TSHZ2: variants seen among roughly 807,000 people sequenced by gnomAD.
TSHZ2 encodes the protein teashirt zinc finger homeobox 2.
In TSHZ2, 21 loss-of-function variants were observed where a neutral mutation model predicts 74.4. The observed-to-expected ratio is 0.28, with a 90% CI of 0.20 to 0.41. TSHZ2 has a LOEUF of 0.41. TSHZ2 is among the 10% of genes least tolerant of loss of function. TSHZ2 has a pLI of 1.00. For synonymous variants in TSHZ2, 540 were observed against 515.3 expected (o/e 1.05, Z -0.65); for missense variants, 1,244 against 1,293.5 (o/e 0.96, Z 0.59).
At chr20:53,379,012 C>A (rs976570852) in intron 2 of TSHZ2, among the ~76,000 whole-genome samples, 1 of 152,112 alleles carries the variant, frequency 6.6e-6, no homozygotes, top group Non-Finnish European at 1.5e-5. Flanking sequence ...GCACAGGTAC[C>A]ATGTGGGATT....
intron 1 of TSHZ2, among the ~76,000 whole-genome samples, chr20:53,127,792 AG>A (rs1434962868): frequency 1.3e-5 from 2 of 152,184 alleles, no homozygotes; most frequent in African/African-American, 4.8e-5. Context: ...AGACTCAGAG[AG>A]ACAAGATGAC....
chr20:53,185,534 A>T, intron 1 of TSHZ2: 1 of 1,430,700 alleles, frequency 7.0e-7, no homozygotes, highest in Non-Finnish European at 9.4e-7. Flanking sequence ...GAATTCCTTG[A>T]ACTGGGACCC....
At chr20:53,316,064 C>G (rs1278235676) in intron 2 of TSHZ2, among the ~76,000 whole-genome samples, 1 of 152,126 alleles carries the variant, frequency 6.6e-6, no homozygotes, top group African/African-American at 2.4e-5. Flanking sequence ...TAACAGAAGC[C>G]AGGATGAAGA....
chr20:53,082,224 T>A (rs1443989291), intron 1 of TSHZ2, among the ~76,000 whole-genome samples: 1 of 152,224 alleles, frequency 6.6e-6, no homozygotes, highest in Non-Finnish European at 1.5e-5. Context: ...TATTTTTAAA[T>A]CATGTGGTAA....
intron 1 of TSHZ2, among the ~76,000 whole-genome samples, chr20:53,082,508 G>A (rs550009231): frequency 6.6e-6 from 1 of 152,310 alleles, no homozygotes; most frequent in East Asian, 1.9e-4. Context: ...CTCCATTTTA[G>A]AGCTTCTTAA....
intron 1 of TSHZ2, among the ~76,000 whole-genome samples, chr20:53,072,983 C>T (rs1985227244): frequency 1.4e-5 from 2 of 148,010 alleles, no homozygotes; most frequent in South Asian, 2.2e-4. Context: ...CCATCCATCC[C>T]TCCCTTCATC....
chr20:53,079,641 C>A (rs763896598), intron 1 of TSHZ2, among the ~76,000 whole-genome samples: 1 of 152,096 alleles, frequency 6.6e-6, no homozygotes, highest in Non-Finnish European at 1.5e-5. Flanking sequence ...ATATGCCTAA[C>A]GAAGTGAATA....
intron 1 of TSHZ2, among the ~76,000 whole-genome samples, chr20:53,244,081 G>T (rs1990141080): frequency 2.0e-5 from 3 of 152,096 alleles, no homozygotes; most frequent in Non-Finnish European, 4.4e-5. Flanking sequence ...TAGCTCTGTG[G>T]GATGGCTGTG....
chr20:53,242,555 A>G (rs1990095663), intron 1 of TSHZ2, among the ~76,000 whole-genome samples: 1 of 152,196 alleles, frequency 6.6e-6, no homozygotes, highest in African/African-American at 2.4e-5. Context: ...GCAGAGAGTA[A>G]GAGGTGTCAC....
At chr20:53,206,245 A>T (rs1045849621) in intron 1 of TSHZ2, among the ~76,000 whole-genome samples, 7 of 150,916 alleles carry the variant, frequency 4.6e-5, no homozygotes, top group Admixed American at 3.9e-4. Flanking sequence ...AATAATAATA[A>T]ATAAAGACAC....
At chr20:53,323,137 A>T (rs892946943) in intron 2 of TSHZ2, among the ~76,000 whole-genome samples, 3 of 152,158 alleles carry the variant, frequency 2.0e-5, no homozygotes, top group Non-Finnish European at 4.4e-5. Context: ...CTGGGAGAAG[A>T]TTCTTTCCAG....
intron 2 of TSHZ2, among the ~76,000 whole-genome samples, chr20:53,349,270 A>G (rs1980552915): frequency 6.6e-6 from 1 of 152,248 alleles, no homozygotes; most frequent in African/African-American, 2.4e-5. Context: ...ATAATACATA[A>G]GCCAAGCATT....
At chr20:52,973,405 T>C (rs1600623513) in intron 1 of TSHZ2, 72 bp downstream of exon 1, 7 of 1,528,772 alleles carry the variant, frequency 4.6e-6, no homozygotes, top group Non-Finnish European at 6.2e-6. Context: ...TGCCCCTGGG[T>C]GCCCGGGGGC....
rs931921488 is a variant in TSHZ2, at chr20:53,119,417, C to T, written c.41-134082C>T. Among the ~76,000 whole-genome samples the T allele has an allele frequency of 5.9e-5, 9 of 152,208 alleles. No homozygotes were observed. The East Asian group carries it at 1.7e-3, about 29-fold the overall frequency. On this transcript the variant is annotated intron_variant, in intron 1 of 2. Coordinates refer to ENST00000371497, the MANE Select transcript of TSHZ2 (RefSeq NM_173485.6). Reference sequence around the variant, plus strand: ...CAACTAAATGAGACATTGTAAGACACGATGATAAGTGCTACAGCAAGAGAG... The same window carrying T: ...CAACTAAATGAGACATTGTAAGACATGATGATAAGTGCTACAGCAAGAGAG...
chr20:53,084,725 CCCTT>C (rs1160322090), intron 1 of TSHZ2, among the ~76,000 whole-genome samples: 7 of 130,160 alleles, frequency 5.4e-5, no homozygotes, highest in South Asian at 2.7e-4. Context: ...TTCCCTCCCT[CCCTT>C]CCTTCCTTCC....
intron 2 of TSHZ2, among the ~76,000 whole-genome samples, chr20:53,385,826 G>A (rs148762807): frequency 8.5e-4 from 129 of 152,194 alleles, no homozygotes; most frequent in East Asian, 2.5e-3. Flanking sequence ...TGGAACTTTC[G>A]AGAATCTGAA....
intron 2 of TSHZ2, among the ~76,000 whole-genome samples, chr20:53,389,426 C>T (rs950728837): frequency 1.3e-5 from 2 of 152,160 alleles, no homozygotes; most frequent in African/African-American, 4.8e-5. Flanking sequence ...GTGTCTAAGT[C>T]CACATTAGGC....
At chr20:53,128,432 GT>G (rs1987008724) in intron 1 of TSHZ2, among the ~76,000 whole-genome samples, 1 of 151,926 alleles carries the variant, frequency 6.6e-6, no homozygotes. Context: ...TGTTGTTGTT[GT>G]TTCTTGGTTT....
intron 2 of TSHZ2, among the ~76,000 whole-genome samples, chr20:53,369,716 AAAG>A (rs1460760916): frequency 1.6e-4 from 25 of 152,080 alleles, no homozygotes; most frequent in African/African-American, 5.8e-4. Flanking sequence ...GTCTCAAAAA[AAAG>A]AAAAAAGTCC....
Sources: allele counts gnomAD v4.1 joint callset (sites outside exome capture counted in the v4.1 genomes callset), GRCh38; gene constraint gnomAD v4.1.1; transcripts MANE v1.5; gene names NCBI Gene and HGNC (gene_info 2026-07-23, HGNC 2026-07-21).